DRG2: variants seen among roughly 807,000 people sequenced by gnomAD.
DRG2 encodes developmentally regulated GTP binding protein 2, also known as developmentally-regulated GTP-binding protein 2.
Under a neutral mutation model 53.4 loss-of-function variants are expected in DRG2, and 36 were observed. That is an observed-to-expected ratio of 0.67 (90% confidence interval 0.52 to 0.89). The LOEUF is 0.89. Ranked by LOEUF, DRG2 falls within the 40% of genes least tolerant of loss-of-function variation. The pLI is 0.00. For synonymous variants in DRG2, 167 were observed against 192.1 expected (o/e 0.87, Z 1.08); for missense variants, 342 against 481.2 (o/e 0.71, Z 2.71).
chr17:18,088,150 G>A, intron 1 of DRG2, 63 bp downstream of exon 1: 1 of 1,506,636 alleles, frequency 6.6e-7, no homozygotes, highest in Admixed American at 2.1e-5. Flanking sequence ...CTGTAAAATG[G>A]GGGAACAACT....
intron 1 of DRG2, among the ~76,000 whole-genome samples, chr17:18,091,540 C>T (rs1387083527): frequency 1.3e-5 from 2 of 151,358 alleles, no homozygotes; most frequent in Non-Finnish European, 2.9e-5. Context: ...GAGCTGAGAT[C>T]GCACCACTGC....
intron 2 of DRG2, among the ~76,000 whole-genome samples, chr17:18,095,137 G>A (rs2045410231): frequency 2.0e-5 from 3 of 150,642 alleles, no homozygotes; most frequent in Admixed American, 1.3e-4. Context: ...TCAGCCTCCC[G>A]AGTAGCTGGG....
At chr17:18,102,100 C>T (rs1418022017) in intron 9 of DRG2, 103 bp downstream of exon 9, 11 of 1,215,702 alleles carry the variant, frequency 9.0e-6, no homozygotes, top group South Asian at 1.3e-5. Context: ...GAAAAGCCAG[C>T]ACAGCCTCCA....
rs61256737 is a variant in DRG2 at position 18,101,531 on chromosome 17, T to G, written c.670T>G (p.Ser224Ala). 6.2e-7 allele frequency: 1 copy of G among 1,614,116 alleles called. No individual in the cohort carries two copies. The highest frequency in any genetic ancestry group is 8.5e-7 in the Non-Finnish European group (1 of 1,180,030). Residue 224 changes from serine (S) to alanine (A), a missense_variant, in exon 8 of 13, where the codon TCC becomes GCC. Transcript: ENST00000225729. Reference sequence around the variant, plus strand: ...AGAAGTGCTTTTCCGAGAAGACTGCTCCCCGGACGAGTTCATCGATGTGAT... The same window carrying G: ...AGAAGTGCTTTTCCGAGAAGACTGCGCCCCGGACGAGTTCATCGATGTGAT... The part of the protein sequence containing the change: ...NAEVLFREDC[S>A]PDEFIDVIVG...
At chr17:18,106,093 C>T in intron 11 of DRG2, 1 of 346,492 alleles carries the variant, frequency 2.9e-6, no homozygotes, top group Non-Finnish European at 5.6e-6. Context: ...AAGCTATCAC[C>T]CTGTCCCATT....
intron 1 of DRG2, among the ~76,000 whole-genome samples, chr17:18,092,538 A>T (rs2045351263): frequency 6.6e-6 from 1 of 152,184 alleles, no homozygotes. Flanking sequence ...CCTGGTTCTC[A>T]GTCTCAACGA....
chr17:18,093,672 C>T (rs1432844552), intron 1 of DRG2, 141 bp from the exon 2 acceptor site: 4 of 990,862 alleles, frequency 4.0e-6, no homozygotes, highest in Non-Finnish European at 5.9e-6. Context: ...GCCTTTTAAG[C>T]AGAGAGATTT....
chr17:18,098,122 G>A lies in DRG2; in HGVS notation c.226-148G>A. On this transcript the variant is annotated intron_variant, in intron 2 of 12. Transcript: ENST00000225729. The surrounding 1 kb of genome is among the most constrained non-coding windows in gnomAD (Gnocchi z 4.1). Reference sequence around the variant, plus strand: ...GGCCAGAGGTGAGCCCTCTGGCTGGGAGGTCTCTTCACAGCCACCTAGGTC... The same window carrying A: ...GGCCAGAGGTGAGCCCTCTGGCTGGAAGGTCTCTTCACAGCCACCTAGGTC... The A allele has an allele frequency of 1.6e-6, 1 of 639,828 alleles. No homozygotes were observed. The highest frequency in any genetic ancestry group is 2.8e-6 in the Non-Finnish European group (1 of 351,534). The allele number at this position is 639,828 out of a possible 1,614,324, so 39.6% of individuals were successfully genotyped here. A position where few individuals can be genotyped will look rare whatever the true frequency, so the allele number is the denominator to read the frequency against.
At chr17:18,095,881 G>C (rs1206020017) in intron 2 of DRG2, 1 of 152,140 alleles carries the variant, frequency 6.6e-6, no homozygotes, top group Non-Finnish European at 1.5e-5. Context: ...CCTCCCCACT[G>C]TCCTTTTTCT....
rs772261243 is a variant in DRG2, at chr17:18,100,532, G to A, written c.541-37G>A. On this transcript the variant is annotated intron_variant, in intron 6 of 12. Transcript: ENST00000225729. This position sits in a 1 kb window ranked among gnomAD's most constrained non-coding sequence, Gnocchi z 4.1. Reference sequence around the variant, plus strand: ...TGTGGGACCATTGCTGTGACCCCTCGGTCAGCAGTTCTCCCCATCCCTTTC... The same window carrying A: ...TGTGGGACCATTGCTGTGACCCCTCAGTCAGCAGTTCTCCCCATCCCTTTC... 1.5e-5 allele frequency: 24 copies of A among 1,613,566 alleles called. No individual in the cohort carries two copies. Among genetic ancestry groups the A allele is most frequent in the East Asian group, 4.5e-5 (2 of 44,874 alleles).
chr17:18,100,337 A>C lies in DRG2; in HGVS notation c.468-26A>C. 1 of 1,613,252 alleles carries C rather than the reference A, an allele frequency of 6.2e-7. No homozygotes were observed. The highest frequency in any genetic ancestry group is 1.1e-5 in the South Asian group (1 of 91,058). ...CATCTGGCTCTGTGGACAGCCTGTG[A>C]GGGGCTTAAGGGGTACTCTTCCTAG... On this transcript the variant is annotated intron_variant, in intron 5 of 12. Coordinates refer to ENST00000225729, the MANE Select transcript of DRG2 (RefSeq NM_001388.5). The surrounding 1 kb of genome is among the most constrained non-coding windows in gnomAD (Gnocchi z 4.1).
chr17:18,106,157 C>T, intron 11 of DRG2: 2 of 499,492 alleles, frequency 4.0e-6, no homozygotes, highest in Non-Finnish European at 3.7e-6. Context: ...GCAGCCAGGC[C>T]CCTGACCTTC....
chr17:18,106,633 T>C (rs2045639279), intron 12 of DRG2, 147 bp downstream of exon 12: 7 of 857,642 alleles, frequency 8.2e-6, no homozygotes, highest in Admixed American at 2.2e-5. Context: ...CTCCATAGAA[T>C]GTACATGCCA....
rs1019727559 is a variant in DRG2, at chr17:18,104,024, C to T, written c.895+135C>T. On this transcript the variant is annotated intron_variant, in intron 10 of 12. Transcript: ENST00000225729. ...TCTAGACACACCTCAGCTCTTTTCC[C>T]TTCTCAGCACTGGGCACTGCTGGTT... The T allele has an allele frequency of 3.9e-5, 32 of 817,336 alleles. No individual in the cohort carries two copies. In the East Asian group the frequency reaches 8.1e-4, roughly 21 times the overall value. The allele number at this position is 817,336 out of a possible 1,614,324, so 50.6% of individuals were successfully genotyped here. A position where few individuals can be genotyped will look rare whatever the true frequency, so the allele number is the denominator to read the frequency against.
At chr17:18,101,700 C>T in intron 8 of DRG2, 110 bp downstream of exon 8, 1 of 1,074,518 alleles carries the variant, frequency 9.3e-7, no homozygotes, top group Non-Finnish European at 1.4e-6. Context: ...AGGCTCTCCC[C>T]TCACCTCACC....
rs1325421253 is a variant in DRG2, at chr17:18,107,895, T to C, written c.*655T>C. The C allele has an allele frequency of 1.3e-5, 2 of 152,466 alleles. No homozygotes were observed. The highest frequency in any genetic ancestry group is 2.9e-5 in the Non-Finnish European group (2 of 68,212). The allele number at this position is 152,466 out of a possible 1,614,324, so 9.4% of individuals were successfully genotyped here. A position where few individuals can be genotyped will look rare whatever the true frequency, so the allele number is the denominator to read the frequency against. ...CTCTGCACGCCTGGGGCAGGGACTT[T>C]TGAGTTTAGGATCTGTATTTTCTAA... On this transcript the variant is annotated 3_prime_UTR_variant, in exon 13 of 13. Transcript: ENST00000225729.
chr17:18,096,128 G>A lies in DRG2; in HGVS notation c.226-2142G>A, dbSNP rs1272476255. On this transcript the variant is annotated intron_variant, in intron 2 of 12. Transcript: ENST00000225729. The stretch of plus-strand genomic sequence containing the variant: ...GCCATTTTTATCACATCGCATGAAG[G>A]CCACATACTGTCAACATGACTTACC... The A allele has an allele frequency of 3.3e-5, 5 of 152,184 alleles. No homozygotes were observed. In the East Asian group the frequency reaches 9.6e-4, roughly 29 times the overall value. The allele number at this position is 152,184 out of a possible 1,614,324, so 9.4% of individuals were successfully genotyped here.
chr17:18,106,150 G>A, intron 11 of DRG2: 1 of 485,044 alleles, frequency 2.1e-6, no homozygotes, highest in Admixed American at 3.3e-5. Context: ...GCCACTAGCA[G>A]CCAGGCCCCT....
In DRG2 at chr17:18,098,070, C is replaced by G. The variant is rs2045463758; in HGVS notation, c.226-200C>G. On this transcript the variant is annotated intron_variant, in intron 2 of 12. Coordinates refer to ENST00000225729, the MANE Select transcript of DRG2 (RefSeq NM_001388.5). The surrounding 1 kb of genome is among the most constrained non-coding windows in gnomAD (Gnocchi z 4.1). ...TGAGGCCTCCAAGGAACAGATGGGCCTCTGGTGTCTGACCCATCCAGGACA... is the reference window on the plus strand; with the variant it reads ...TGAGGCCTCCAAGGAACAGATGGGCGTCTGGTGTCTGACCCATCCAGGACA... The G allele has an allele frequency of 3.8e-6, 2 of 524,826 alleles. No individual in the cohort carries two copies. The highest frequency in any genetic ancestry group is 7.0e-6 in the Non-Finnish European group (2 of 285,496). 32.5% of individuals were successfully genotyped at this position (524,826 alleles called of 1,614,324 possible).
Sources: gnomAD v4.1 joint callset for allele counts (sites outside exome capture counted in the v4.1 genomes callset) on GRCh38, gnomAD v4.1.1 for gene constraint, Gnocchi (gnomAD v3.1) non-coding constraint, MANE v1.5 for transcripts, NCBI Gene and HGNC (gene_info 2026-07-23, HGNC 2026-07-21) for gene names.